The following CADM2 variants were observed in gnomAD, a reference collection of about 807,000 sequenced individuals.
CADM2 encodes cell adhesion molecule 2, also known as immunoglobulin superfamily member 4D.
Under a neutral mutation model 49.8 loss-of-function variants are expected in CADM2, and 12 were observed. The observed-to-expected ratio is 0.24, with a 90% CI of 0.15 to 0.39. CADM2 has a LOEUF of 0.39. Among genes scored for constraint, CADM2 ranks in the 10% least tolerant of loss-of-function variants. The pLI, the probability that CADM2 is intolerant of heterozygous loss-of-function variation, is 1.00. For synonymous variants in CADM2, 214 were observed against 175.4 expected (o/e 1.22, Z -1.74); for missense variants, 378 against 492.3 (o/e 0.77, Z 2.20).
chr3:85,344,346 A>T (rs2030317494), intron 1 of CADM2, among the ~76,000 whole-genome samples: 1 of 151,568 alleles, frequency 6.6e-6, no homozygotes, highest in Admixed American at 6.6e-5. Flanking sequence ...GCGCCACTGC[A>T]CTCCAGCCCA....
chr3:85,361,215 C>T (rs1272356968), intron 1 of CADM2, among the ~76,000 whole-genome samples: 1 of 152,104 alleles, frequency 6.6e-6, no homozygotes, highest in Non-Finnish European at 1.5e-5. Context: ...AGCAGTTTAG[C>T]AGTGCTTGGT....
intron 8 of CADM2, among the ~76,000 whole-genome samples, chr3:86,061,433 T>C (rs1159776752): frequency 6.6e-6 from 1 of 152,062 alleles, no homozygotes; most frequent in Non-Finnish European, 1.5e-5. Context: ...AAATTATTGA[T>C]TAAAGAAATT....
chr3:85,749,462 G>A (rs2068770177), intron 2 of CADM2, among the ~76,000 whole-genome samples: 1 of 151,756 alleles, frequency 6.6e-6, no homozygotes, highest in Non-Finnish European at 1.5e-5. Context: ...ATTATTAAAT[G>A]CTTTAATGAA....
intron 1 of CADM2, among the ~76,000 whole-genome samples, chr3:85,586,618 C>G (rs1393497283): frequency 1.3e-5 from 2 of 152,008 alleles, no homozygotes; most frequent in African/African-American, 4.8e-5. Context: ...AAAATACAAA[C>G]AGATGTGGCT....
At chr3:85,979,292 T>C (rs758320537) in intron 8 of CADM2, 1 of 1,609,238 alleles carries the variant, frequency 6.2e-7, no homozygotes, top group Non-Finnish European at 8.5e-7. Context: ...AGGTACAGTA[T>C]GTTTCTTTGT....
chr3:86,066,332 C>CAAAAAAAA lies in CADM2; in HGVS notation c.1097-314_1097-307dup, dbSNP rs10663610. ...TGGGCGAGAGAGCGAGACTCCGTCT[C>CAAAAAAAA]AAAAAAAAAAAAAAAAAAAAAAAAA... On this transcript the variant is annotated intron_variant, in intron 9 of 9. Transcript: ENST00000383699. 9.4e-3 allele frequency among the ~76,000 whole-genome samples: 284 copies of CAAAAAAAA among 30,314 alleles called. 62 individuals carry two copies. The highest frequency in any genetic ancestry group is 0.041 in the African/African-American group (193 of 4,672). 19.9% of individuals were successfully genotyped at this position (30,314 alleles called of 152,430 possible).
At chr3:85,129,084 T>C (rs1327978544) in intron 1 of CADM2, among the ~76,000 whole-genome samples, 1 of 152,166 alleles carries the variant, frequency 6.6e-6, no homozygotes, top group Admixed American at 6.5e-5. Flanking sequence ...CTTCAAGTTA[T>C]ATGTATTGCA....
chr3:85,321,175 GAGAA>G (rs1261281136), intron 1 of CADM2, among the ~76,000 whole-genome samples: 1 of 80,732 alleles, frequency 1.2e-5, no homozygotes, highest in Non-Finnish European at 2.4e-5. Flanking sequence ...TTGCGAGAGA[GAGAA>G]AGAAAGAGAG....
chr3:85,023,773 AT>A (rs201262733), intron 1 of CADM2, among the ~76,000 whole-genome samples: 1 of 151,926 alleles, frequency 6.6e-6, no homozygotes, highest in Non-Finnish European at 1.5e-5. Flanking sequence ...CATTTTTATC[AT>A]TTTTTTAAAA....
At chr3:85,214,550 G>T (rs1353538902) in intron 1 of CADM2, among the ~76,000 whole-genome samples, 1 of 151,464 alleles carries the variant, frequency 6.6e-6, no homozygotes, top group Non-Finnish European at 1.5e-5. Flanking sequence ...CCCCAACCCT[G>T]GTCCTGGCCA....
chr3:85,443,907 T>C (rs1036735403), intron 1 of CADM2, among the ~76,000 whole-genome samples: 5 of 152,108 alleles, frequency 3.3e-5, no homozygotes, highest in African/African-American at 1.2e-4. Context: ...GATCTCCTCA[T>C]AGATGTTAGA....
chr3:84,969,232 GCTT>G (rs2031236476), intron 1 of CADM2, among the ~76,000 whole-genome samples: 1 of 151,856 alleles, frequency 6.6e-6, no homozygotes, highest in Middle Eastern at 3.4e-3. Flanking sequence ...TTTTATTTAT[GCTT>G]ATGGCAATAA....
intron 1 of CADM2, among the ~76,000 whole-genome samples, chr3:85,489,788 C>CAT (rs2039590098): frequency 2.8e-5 from 4 of 143,516 alleles, no homozygotes; most frequent in Non-Finnish European, 4.6e-5. Flanking sequence ...AATTATTTAA[C>CAT]GTGTGTGTGT....
intron 1 of CADM2, among the ~76,000 whole-genome samples, chr3:85,191,708 A>G (rs1283618914): frequency 2.0e-5 from 3 of 152,164 alleles, no homozygotes; most frequent in Non-Finnish European, 4.4e-5. Flanking sequence ...AAGTGAGTGT[A>G]TTAATGTTCC....
intron 1 of CADM2, among the ~76,000 whole-genome samples, chr3:85,028,911 A>C (rs190765982): frequency 6.6e-6 from 1 of 152,010 alleles, no homozygotes; most frequent in Non-Finnish European, 1.5e-5. Context: ...ATAGCTTATT[A>C]ATGTGATATT....
At chr3:85,693,316 C>G (rs1350897890) in intron 1 of CADM2, among the ~76,000 whole-genome samples, 1 of 151,994 alleles carries the variant, frequency 6.6e-6, no homozygotes, top group African/African-American at 2.4e-5. Context: ...CGTGGTGGCT[C>G]ACGCCTGTAA....
intron 1 of CADM2, among the ~76,000 whole-genome samples, chr3:85,682,894 T>C (rs1371753098): frequency 6.6e-6 from 1 of 152,036 alleles, no homozygotes; most frequent in African/African-American, 2.4e-5. Context: ...GGAAAAATTA[T>C]AAGGAAATAA....
chr3:85,877,684 G>GTTTTTTTTTTTTTTTTTTTTTTTTTTTT (rs368101272), intron 3 of CADM2, among the ~76,000 whole-genome samples: 6 of 112,022 alleles, frequency 5.4e-5, no homozygotes, highest in Admixed American at 1.0e-4. Flanking sequence ...TTTTTCTTCT[G>GTTTTTTTTTTTTTTTTTTTTTTTTTTTT]TTTTTTTTTT....
intron 3 of CADM2, among the ~76,000 whole-genome samples, chr3:85,874,296 G>T (rs1205474077): frequency 6.6e-6 from 1 of 152,060 alleles, no homozygotes; most frequent in Non-Finnish European, 1.5e-5. Flanking sequence ...TTCCTGTGTT[G>T]TAAATGCCAA....
Sources: gnomAD v4.1 joint callset for allele counts (sites outside exome capture counted in the v4.1 genomes callset) on GRCh38, gnomAD v4.1.1 for gene constraint, MANE v1.5 for transcripts, NCBI Gene and HGNC (gene_info 2026-07-23, HGNC 2026-07-21) for gene names.